Variants in GABRR3 observed in about 807,000 individuals in gnomAD.
GABRR3 encodes the protein gamma-aminobutyric acid type A receptor subunit rho3.
GABRR3 carries 29 observed loss-of-function variants against 43.2 expected under a neutral mutation model. The observed-to-expected ratio is 0.67, with a 90% CI of 0.50 to 0.92. The LOEUF (loss-of-function observed/expected upper bound fraction) is 0.92. Ranked by LOEUF, GABRR3 falls within the 40% of genes least tolerant of loss-of-function variation. The pLI is 0.00. For missense variants in GABRR3, 576 were observed against 572.3 expected (o/e 1.01, Z -0.07); for synonymous variants, 206 against 195.9 (o/e 1.05, Z -0.43).
At chr3:98,002,095 A>G (rs1706654105) in intron 7 of GABRR3, among the ~76,000 whole-genome samples, 1 of 152,144 alleles carries the variant, frequency 6.6e-6, no homozygotes, top group Admixed American at 6.6e-5. Context: ...GAAAGTCTTC[A>G]ATACATGACT....
At chr3:98,020,346 A>G (rs1706925131) in intron 3 of GABRR3, among the ~76,000 whole-genome samples, 1 of 152,156 alleles carries the variant, frequency 6.6e-6, no homozygotes, top group South Asian at 2.1e-4. Flanking sequence ...AATAAATGGC[A>G]TATAATAAAT....
intron 7 of GABRR3, among the ~76,000 whole-genome samples, chr3:98,003,781 C>T (rs996536229): frequency 2.6e-5 from 4 of 152,096 alleles, no homozygotes; most frequent in Non-Finnish European, 4.4e-5. Context: ...CCTAGCTGCA[C>T]CCCCTAGCTA....
At chr3:98,022,843 A>T (rs1706966411) in intron 3 of GABRR3, among the ~76,000 whole-genome samples, 1 of 152,224 alleles carries the variant, frequency 6.6e-6, no homozygotes, top group South Asian at 2.1e-4. Context: ...GCCTCGGGAA[A>T]GAAAGTATTT....
At chr3:98,017,521 AC>A in intron 4 of GABRR3, 133 bp downstream of exon 4, 2 of 681,924 alleles carry the variant, frequency 2.9e-6, no homozygotes, top group Non-Finnish European at 5.2e-6. Context: ...AGCAATCATG[AC>A]CCTATGATTA....
chr3:98,023,149 C>G (rs1576049320), intron 3 of GABRR3, among the ~76,000 whole-genome samples: 1 of 152,116 alleles, frequency 6.6e-6, no homozygotes, highest in South Asian at 2.1e-4. Context: ...TGCGGCTGGT[C>G]CATGGACCAC....
intron 9 of GABRR3, among the ~76,000 whole-genome samples, chr3:97,987,847 G>A: frequency 6.6e-6 from 1 of 150,672 alleles, no homozygotes; most frequent in Non-Finnish European, 1.5e-5. Flanking sequence ...TGTGATTATA[G>A]CTCACTGCAG....
intron 3 of GABRR3, among the ~76,000 whole-genome samples, chr3:98,024,455 A>G (rs891565779): frequency 3.9e-5 from 6 of 152,132 alleles, no homozygotes; most frequent in Admixed American, 2.0e-4. Context: ...AAAAAATCCA[A>G]TCCTCAACGT....
At chr3:97,995,168 G>T (rs1706519582) in intron 8 of GABRR3, among the ~76,000 whole-genome samples, 1 of 151,946 alleles carries the variant, frequency 6.6e-6, no homozygotes, top group Non-Finnish European at 1.5e-5. Context: ...GTAGAGAGGG[G>T]GTTTCTCCAT....
At chr3:98,005,950 A>G (rs1421739117) in intron 7 of GABRR3, among the ~76,000 whole-genome samples, 1 of 152,158 alleles carries the variant, frequency 6.6e-6, no homozygotes, top group Non-Finnish European at 1.5e-5. Context: ...TAGCAATAGT[A>G]AAATGAAAAC....
At chr3:98,025,656 T>C (rs1363485658) in exon 3 of GABRR3, 1 of 1,612,220 alleles carries the variant, frequency 6.2e-7, no homozygotes, top group Admixed American at 1.7e-5. Flanking sequence ...ACTGTCATCT[T>C]TCTTCATTCT....
At chr3:97,992,401 T>C (rs1050266455) in intron 9 of GABRR3, among the ~76,000 whole-genome samples, 1 of 152,154 alleles carries the variant, frequency 6.6e-6, no homozygotes, top group Non-Finnish European at 1.5e-5. Flanking sequence ...CAGCTGCATT[T>C]ATTCCACCTC....
At chr3:97,990,577 C>T (rs541665775) in intron 9 of GABRR3, among the ~76,000 whole-genome samples, 6 of 152,096 alleles carry the variant, frequency 3.9e-5, no homozygotes, top group East Asian at 1.9e-4. Flanking sequence ...GAATTCCTGA[C>T]CTCAAGAAAT....
intron 9 of GABRR3, among the ~76,000 whole-genome samples, chr3:97,988,074 C>T (rs1706409999): frequency 6.6e-6 from 1 of 151,988 alleles, no homozygotes; most frequent in Non-Finnish European, 1.5e-5. Context: ...ACACCAGTTC[C>T]AGCCCGGATG....
At chr3:97,988,218 A>G (rs969650209) in intron 9 of GABRR3, among the ~76,000 whole-genome samples, 1 of 152,008 alleles carries the variant, frequency 6.6e-6, no homozygotes, top group African/African-American at 2.4e-5. Context: ...AAGGACGCAT[A>G]ATAGATACAT....
chr3:98,028,282 T>A (rs2107251162), intron 2 of GABRR3, among the ~76,000 whole-genome samples: 1 of 152,320 alleles, frequency 6.6e-6, no homozygotes, highest in East Asian at 1.9e-4. Context: ...ATTGAGAAAG[T>A]TTGTTCATAT....
chr3:97,992,280 G>A (rs1706478760), intron 9 of GABRR3, among the ~76,000 whole-genome samples: 1 of 152,150 alleles, frequency 6.6e-6, no homozygotes, highest in African/African-American at 2.4e-5. Context: ...TCGATGGAGA[G>A]AAACATATCA....
chr3:98,001,336 G>C, intron 8 of GABRR3: 1 of 388,632 alleles, frequency 2.6e-6, no homozygotes, highest in Non-Finnish European at 4.7e-6. Flanking sequence ...TAAAAGTGAG[G>C]CTGTTTATGC....
At chr3:98,024,394 C>T in intron 3 of GABRR3, among the ~76,000 whole-genome samples, 1 of 126,322 alleles carries the variant, frequency 7.9e-6, no homozygotes, top group East Asian at 2.3e-4. Flanking sequence ...AAAAAAAGAA[C>T]AGGAACCACA....
In GABRR3 at chr3:98,034,899, G is replaced by T. The variant is rs541308361; in HGVS notation, c.89C>A (p.Thr30Lys). The T allele has an allele frequency of 1.8e-4, 289 of 1,613,148 alleles. 4 individuals carry two copies. The South Asian group carries it at 2.3e-3, about 13-fold the overall frequency. The change falls in exon 2 of 10, where the codon ACA becomes AAA. Residue 30 changes from threonine to lysine, a missense_variant. Physicochemically the swap from Thr to Lys is moderately conservative, Grantham distance 78. Transcript: ENST00000621172. ...CATTGAAGAGGAGCACCGCTGGTGT[G>T]TCATCTTGATGTTAGAAGCAGCACA...
Sources: gnomAD v4.1 joint callset for allele counts (sites outside exome capture counted in the v4.1 genomes callset) on GRCh38, gnomAD v4.1.1 for gene constraint, MANE v1.5 for transcripts, NCBI Gene and HGNC (gene_info 2026-07-23, HGNC 2026-07-21) for gene names.